SLC9D1: variants seen among roughly 807,000 people sequenced by gnomAD.
SLC9D1 encodes the protein putative LAG1-interacting protein.
the SLC9D1 span, among the ~76,000 whole-genome samples, chr13:113,509,090 G>C: frequency 9.6e-6 from 1 of 104,412 alleles, no homozygotes; most frequent in African/African-American, 5.1e-5. Flanking sequence ...TGGGTCCCCT[G>C]ACACTGCCTG....
the SLC9D1 span, among the ~76,000 whole-genome samples, chr13:113,516,512 G>A: frequency 6.6e-6 from 1 of 150,448 alleles, no homozygotes; most frequent in African/African-American, 2.5e-5. Context: ...CTTCCAGTGA[G>A]CTGAGTTCAC....
At chr13:113,520,825 G>A in the SLC9D1 span, 1 of 945,154 alleles carries the variant, frequency 1.1e-6, no homozygotes, top group East Asian at 2.5e-5. Flanking sequence ...GAGATGTTCT[G>A]AGCTCAGATG....
chr13:113,495,817 A>G, the SLC9D1 span: 8 of 1,614,174 alleles, frequency 5.0e-6, no homozygotes, highest in East Asian at 1.6e-4. Context: ...GGAGCAGTGG[A>G]GAAAGACGTG....
chr13:113,531,676 G>A, the SLC9D1 span, among the ~76,000 whole-genome samples: 7 of 152,130 alleles, frequency 4.6e-5, no homozygotes, highest in Admixed American at 3.3e-4. Context: ...ACCTGCAGGT[G>A]ACACGGCGCC....
the SLC9D1 span, among the ~76,000 whole-genome samples, chr13:113,526,763 G>A: frequency 1.3e-5 from 2 of 152,094 alleles, no homozygotes; most frequent in Non-Finnish European, 2.9e-5. Context: ...CGTCTGCCGT[G>A]GTTTACAGTA....
chr13:113,530,070 A>G, the SLC9D1 span: 1 of 152,278 alleles, frequency 6.6e-6, no homozygotes, highest in African/African-American at 2.4e-5. Flanking sequence ...GATTCATCCT[A>G]TAGCACAGAT....
the SLC9D1 span, among the ~76,000 whole-genome samples, chr13:113,517,803 G>A: frequency 6.6e-6 from 1 of 152,296 alleles, no homozygotes; most frequent in South Asian, 2.1e-4. Flanking sequence ...GTCAAGTGGG[G>A]ACTGTGGGTG....
At chr13:113,539,098 C>T in the SLC9D1 span, among the ~76,000 whole-genome samples, 24 of 152,320 alleles carry the variant, frequency 1.6e-4, no homozygotes, top group South Asian at 6.2e-4. The surrounding 1 kb of genome is among the most constrained non-coding windows in gnomAD (Gnocchi z 4.8). Flanking sequence ...AAAATTTCAG[C>T]GCAATCTGTA....
At chr13:113,495,469 G>A in the SLC9D1 span, 2 of 731,398 alleles carry the variant, frequency 2.7e-6, no homozygotes, top group African/African-American at 3.5e-5. Flanking sequence ...ATGAATCATT[G>A]TTTAACTATG....
chr13:113,520,440 A>T, the SLC9D1 span: 70,557 of 464,036 alleles, frequency 0.15, 7,058 homozygotes, highest in African/African-American at 0.35. Flanking sequence ...GCTGAGATCG[A>T]GCCACTGCAC....
the SLC9D1 span, chr13:113,549,277 T>A: frequency 1.1e-5 from 10 of 875,658 alleles, no homozygotes; most frequent in Non-Finnish European, 1.7e-5. Context: ...CAGGCATCCC[T>A]CCCAGCACTC....
chr13:113,530,942 A>G, the SLC9D1 span, among the ~76,000 whole-genome samples: 1 of 152,224 alleles, frequency 6.6e-6, no homozygotes, highest in African/African-American at 2.4e-5. Flanking sequence ...CCCGCCCATC[A>G]GACTGGGCAC....
At chr13:113,499,185 G>A in the SLC9D1 span, among the ~76,000 whole-genome samples, 4 of 152,178 alleles carry the variant, frequency 2.6e-5, no homozygotes, top group East Asian at 5.8e-4. Context: ...CATGCTAATG[G>A]ATTATAATTA....
At chr13:113,492,019 G>A in the SLC9D1 span, among the ~76,000 whole-genome samples, 311 of 152,226 alleles carry the variant, frequency 2.0e-3, 2 homozygotes, top group African/African-American at 7.1e-3. Flanking sequence ...GCTTTTTTGT[G>A]GTTGTTGAGA....
chr13:113,540,019 C>T, the SLC9D1 span, among the ~76,000 whole-genome samples: 1 of 152,234 alleles, frequency 6.6e-6, no homozygotes, highest in Non-Finnish European at 1.5e-5. Context: ...CGGCCTCCAG[C>T]TGCATCCGTG....
chr13:113,513,126 G>C, the SLC9D1 span, among the ~76,000 whole-genome samples: 1 of 152,274 alleles, frequency 6.6e-6, no homozygotes, highest in Non-Finnish European at 1.5e-5. Context: ...GAAAAGACAG[G>C]TGGTTTAAAA....
chr13:113,496,017 G>A, the SLC9D1 span: 1 of 1,608,562 alleles, frequency 6.2e-7, no homozygotes, highest in East Asian at 2.2e-5. Context: ...GAGAGAGGCT[G>A]CAATAAAGGT....
the SLC9D1 span, chr13:113,527,114 C>T: frequency 6.6e-6 from 1 of 152,398 alleles, no homozygotes. Context: ...TGTGAAGTGG[C>T]ACATGACTGT....
At chr13:113,521,770 T>C in the SLC9D1 span, among the ~76,000 whole-genome samples, 1 of 152,156 alleles carries the variant, frequency 6.6e-6, no homozygotes, top group Admixed American at 6.5e-5. Context: ...ATTCCAAGAA[T>C]ATCAGCCAGA....
Sources: allele counts gnomAD v4.1 joint callset (sites outside exome capture counted in the v4.1 genomes callset), GRCh38; gene constraint gnomAD v4.1.1; non-coding constraint Gnocchi (gnomAD v3.1); transcripts MANE v1.5; gene names NCBI Gene and HGNC (gene_info 2026-07-23, HGNC 2026-07-21).